Variants in WDR37 observed in about 807,000 individuals in gnomAD.
WDR37 encodes the protein WD repeat domain 37.
In WDR37, 19 loss-of-function variants were observed where a neutral mutation model predicts 62.9. The observed-to-expected ratio is 0.30, with a 90% CI of 0.21 to 0.44. The LOEUF is 0.44. Among genes scored for constraint, WDR37 ranks in the 20% least tolerant of loss-of-function variants. WDR37 has a pLI of 1.00. For synonymous variants in WDR37, 250 were observed against 260.9 expected (o/e 0.96, Z 0.40); for missense variants, 474 against 657.6 (o/e 0.72, Z 3.05).
intron 13 of WDR37, among the ~76,000 whole-genome samples, chr10:1,126,543 T>C (rs1267301605): frequency 6.6e-6 from 1 of 152,198 alleles, no homozygotes; most frequent in African/African-American, 2.4e-5. Context: ...CCTGTGTGAG[T>C]AAATGGATTT....
chr10:1,129,542 T>C lies in WDR37; in HGVS notation c.*198T>C. 1.4e-6 allele frequency: 1 copy of C among 725,214 alleles called. No homozygotes were observed. The highest frequency in any genetic ancestry group is 3.1e-5 in the East Asian group (1 of 32,420). 44.9% of individuals were successfully genotyped at this position (725,214 alleles called of 1,614,324 possible). On this transcript the variant is annotated 3_prime_UTR_variant, in exon 14 of 14. Transcript: ENST00000263150. Reference sequence around the variant, plus strand: ...GGTCGTATTTTTTACTTTTGTCTTGTATATGTATGTATATTGGGTCCTCTG... The same window carrying C: ...GGTCGTATTTTTTACTTTTGTCTTGCATATGTATGTATATTGGGTCCTCTG...
chr10:1,078,286 AT>A (rs1833937621), intron 3 of WDR37, among the ~76,000 whole-genome samples: 1 of 152,254 alleles, frequency 6.6e-6, no homozygotes, highest in Admixed American at 6.5e-5. Flanking sequence ...TTGAGAAAAC[AT>A]TGATTTACTT....
At chr10:1,058,090 C>CCCGGTATGTAAACACGGTATG (rs11283910) in intron 1 of WDR37, among the ~76,000 whole-genome samples, 1 of 151,776 alleles carries the variant, frequency 6.6e-6, no homozygotes, top group African/African-American at 2.4e-5. Flanking sequence ...TAAATATGAA[C>CCCGGTATGTAAACACGGTATG]TCACCAATGT....
chr10:1,100,510 T>C (rs1564506781), intron 9 of WDR37, among the ~76,000 whole-genome samples: 1 of 152,274 alleles, frequency 6.6e-6, no homozygotes. Context: ...ACACAAACTC[T>C]AATCTGTTAA....
intron 11 of WDR37, among the ~76,000 whole-genome samples, chr10:1,107,809 G>A (rs2387296): frequency 0.86 from 129,097 of 150,166 alleles, 55,754 homozygotes; most frequent in Middle Eastern, 0.91. Context: ...CAGCACTGCT[G>A]TCTCTCTTTA....
intron 13 of WDR37, among the ~76,000 whole-genome samples, chr10:1,127,645 T>A (rs547946414): frequency 6.6e-6 from 1 of 151,772 alleles, no homozygotes. Context: ...AGTCAGGAGG[T>A]CCGGGGTCAG....
At chr10:1,093,376 C>A in intron 7 of WDR37, 76 bp from the exon 8 acceptor site, 1 of 1,153,964 alleles carries the variant, frequency 8.7e-7, no homozygotes, top group South Asian at 1.4e-5. Context: ...CTTTGAAATA[C>A]ACGCTATAGC....
intron 6 of WDR37, among the ~76,000 whole-genome samples, chr10:1,085,109 C>T (rs960197890): frequency 3.4e-4 from 51 of 152,068 alleles, no homozygotes; most frequent in Middle Eastern, 3.4e-3. Flanking sequence ...GGACTACAGG[C>T]GCCCGCCACC....
Position 1,116,616 on chromosome 10 carries a change from A to C in WDR37, c.1104-7602A>C, listed in dbSNP as rs907578451. 2.6e-5 allele frequency among the ~76,000 whole-genome samples: 4 copies of C among 152,266 alleles called. No individual in the cohort carries two copies. The South Asian group carries it at 6.2e-4, about 24-fold the overall frequency. On this transcript the variant is annotated intron_variant, in intron 11 of 13. Transcript: ENST00000263150. ...TAACTGGCTGATATCCAAGGTTATC[A>C]TAAAACCCAGGCTAGGGTCACTAAG...
Position 1,103,657 on chromosome 10 carries a change from G to A in WDR37, c.782G>A (p.Gly261Glu), listed in dbSNP as rs1274866489. 1.2e-6 allele frequency: 2 copies of A among 1,614,098 alleles called. No individual in the cohort carries two copies. The highest frequency in any genetic ancestry group is 1.7e-6 in the Non-Finnish European group (2 of 1,180,046). The change falls in exon 10 of 14, where the codon GGG (glycine) becomes GAG (glutamate). Residue 261 changes from glycine (G) to glutamate (E), a missense_variant. Transcript: ENST00000263150. The surrounding 1 kb of genome is among the most constrained non-coding windows in gnomAD (Gnocchi z 6.3). The stretch of plus-strand genomic sequence containing the variant: ...GACAAGGACGAGCCCGACCTCGATG[G>A]GGATGTGTCCAGCGACTGCCCCACC... Reference protein sequence around the residue: ...CSDKDEPDLDGDVSSDCPTIR... With the variant: ...CSDKDEPDLDEDVSSDCPTIR...
intron 3 of WDR37, among the ~76,000 whole-genome samples, chr10:1,079,389 A>G (rs535170271): frequency 3.8e-4 from 57 of 150,468 alleles, no homozygotes; most frequent in Non-Finnish European, 6.6e-4. Flanking sequence ...CCAGCCCAGA[A>G]TAATGTTTTT....
chr10:1,106,013 C>T (rs1224378090), intron 11 of WDR37, among the ~76,000 whole-genome samples: 1 of 152,106 alleles, frequency 6.6e-6, no homozygotes, highest in Non-Finnish European at 1.5e-5. Context: ...TCTCGATCTC[C>T]TGACGTCGTG....
In WDR37 at chr10:1,076,868, C is replaced by T. The variant is rs186658625; in HGVS notation, c.139-1039C>T. 7.7e-3 allele frequency among the ~76,000 whole-genome samples: 1,124 copies of T among 145,336 alleles called. 19 individuals carry two copies. Among genetic ancestry groups the T allele is most frequent in the African/African-American group, 0.027 (1,055 of 39,152 alleles). On this transcript the variant is annotated intron_variant, in intron 2 of 13. Coordinates refer to ENST00000263150, the MANE Select transcript of WDR37 (RefSeq NM_014023.4). ...CCATCCTGGCCAGCATGTGTGGTGG[C>T]GCACGCCTATAGTCCCAGCTACTGG...
At position 1,131,084 on chromosome 10, in the gene WDR37, C is replaced by T. The variant is rs1835938922; in HGVS notation, c.*1740C>T. Reference sequence around the variant, plus strand: ...GTTCTGAGAATGGAGTCCACCTGGTCCCTCTGGTTGATTAGAATCTCAGGT... The same window carrying T: ...GTTCTGAGAATGGAGTCCACCTGGTTCCTCTGGTTGATTAGAATCTCAGGT... On this transcript the variant is annotated 3_prime_UTR_variant, in exon 14 of 14. Coordinates refer to ENST00000263150, the MANE Select transcript of WDR37 (RefSeq NM_014023.4). 2.0e-5 allele frequency: 3 copies of T among 152,262 alleles called. No homozygotes were observed. In the South Asian group the frequency reaches 6.2e-4, roughly 31 times the overall value. 9.4% of individuals were successfully genotyped at this position (152,262 alleles called of 1,614,324 possible).
chr10:1,060,761 T>C (rs1833349317), intron 1 of WDR37, among the ~76,000 whole-genome samples: 3 of 152,254 alleles, frequency 2.0e-5, no homozygotes, highest in African/African-American at 7.2e-5. Flanking sequence ...ACAGACCTCA[T>C]GTAAGATGGT....
chr10:1,091,165 C>T (rs1564503795), intron 7 of WDR37, among the ~76,000 whole-genome samples: 1 of 152,236 alleles, frequency 6.6e-6, no homozygotes, highest in Non-Finnish European at 1.5e-5. Context: ...TGCCCTACCC[C>T]TCCTTCTGTG....
intron 9 of WDR37, among the ~76,000 whole-genome samples, chr10:1,102,729 G>T (rs1834867504): frequency 6.6e-6 from 1 of 152,210 alleles, no homozygotes; most frequent in Admixed American, 6.5e-5. Context: ...GGGGATTCCA[G>T]TTCAGCATGA....
rs184650083 is a variant in WDR37 at position 1,121,797 on chromosome 10, C to T, written c.1104-2421C>T. 6.6e-4 allele frequency among the ~76,000 whole-genome samples: 100 copies of T among 152,116 alleles called. No individual in the cohort carries two copies. Among genetic ancestry groups the T allele is most frequent in the African/African-American group, 2.4e-3 (98 of 41,514 alleles). ...GGGAATAAGTGTCAGCAATCCACAC[C>T]GCAGCTGTGGGCACCACGACCAGGC... On this transcript the variant is annotated intron_variant, in intron 11 of 13. Coordinates refer to ENST00000263150, the MANE Select transcript of WDR37 (RefSeq NM_014023.4). This position sits in a 1 kb window ranked among gnomAD's most constrained non-coding sequence, Gnocchi z 4.5.
chr10:1,061,440 A>G (rs1833370859), intron 1 of WDR37, among the ~76,000 whole-genome samples: 1 of 152,188 alleles, frequency 6.6e-6, no homozygotes, highest in Non-Finnish European at 1.5e-5. Flanking sequence ...AATCCATAAC[A>G]TGACACAAGT....
Sources: allele counts gnomAD v4.1 joint callset (sites outside exome capture counted in the v4.1 genomes callset), GRCh38; gene constraint gnomAD v4.1.1; non-coding constraint Gnocchi (gnomAD v3.1); transcripts MANE v1.5; gene names NCBI Gene and HGNC (gene_info 2026-07-23, HGNC 2026-07-21).